TPRN: variants seen among roughly 807,000 people sequenced by gnomAD.
TPRN encodes the protein chromosome 9 open reading frame 75.
In TPRN, 32 loss-of-function variants were observed where a neutral mutation model predicts 42.6. That is an observed-to-expected ratio of 0.75 (90% CI 0.57 to 1.01). The LOEUF (loss-of-function observed/expected upper bound fraction) is 1.01. Among genes scored for constraint, TPRN ranks in the 50% least tolerant of loss-of-function variants. The pLI, the probability that TPRN is intolerant of heterozygous loss-of-function variation, is 0.00. For synonymous variants in TPRN, 541 were observed against 445.6 expected (o/e 1.21, Z -2.70); for missense variants, 1,095 against 957.5 (o/e 1.14, Z -1.90).
chr9:137,198,856 G>T, intron 1 of TPRN, 131 bp downstream of exon 1: 2 of 1,552,174 alleles, frequency 1.3e-6, no homozygotes, highest in Non-Finnish European at 1.7e-6. Context: ...GCCCCAGCTC[G>T]CCTCAAGTCC....
rs1177320848 is a variant in TPRN at position 137,199,607 on chromosome 9, A to T, written c.1105T>A (p.Ser369Thr). The T allele has an allele frequency of 6.4e-7, 1 of 1,557,602 alleles. No homozygotes were observed. The highest frequency in any genetic ancestry group is 1.2e-5 in the South Asian group (1 of 85,182). The part of the protein sequence containing the change: ...GPASPSQELG[S>T]QPVPGGDGAP... ...CCATCCCCTCCAGGCACCGGCTGGG[A>T]TCCGAGCTCCTGGCTCGGGGAGGCC... The change falls in exon 1 of 4, where the codon TCC (serine) becomes ACC (threonine). Residue 369 changes from serine (S) to threonine (T), a missense_variant. Coordinates refer to ENST00000409012, the MANE Select transcript of TPRN (RefSeq NM_001128228.3).
rs1309461583 is a variant in TPRN, at chr9:137,191,896, A to G, written c.*216T>C. ...TCACCCACAGGCAGTTCCCCACCCC[A>G]CTTCCCCCTTGGACCCTCCCAAATC... On this transcript the variant is annotated 3_prime_UTR_variant, in exon 4 of 4. Transcript: ENST00000409012. The G allele has an allele frequency of 4.8e-5, 31 of 640,056 alleles. No individual in the cohort carries two copies. The highest frequency in any genetic ancestry group is 8.3e-5 in the Non-Finnish European group (30 of 360,658). 39.6% of individuals were successfully genotyped at this position (640,056 alleles called of 1,614,324 possible).
rs1485232124 is a variant in TPRN at position 137,199,580 on chromosome 9, C to T, written c.1132G>A (p.Ala378Thr). ...AGGGGGCTCTTCCCGAGGGCAGGCG[C>T]ACCATCCCCTCCAGGCACCGGCTGG... ...GSQPVPGGDG[A>T]PALGKSPLEV... The change falls in exon 1 of 4, where the codon GCG becomes ACG. Residue 378 changes from alanine (A) to threonine (T), a missense_variant. By Grantham distance (58) the Ala-to-Thr change is moderately conservative. Coordinates refer to ENST00000409012, the MANE Select transcript of TPRN (RefSeq NM_001128228.3). The T allele has an allele frequency of 5.8e-6, 9 of 1,556,048 alleles. No individual in the cohort carries two copies. Among genetic ancestry groups the T allele is most frequent in the Non-Finnish European group, 7.8e-6 (9 of 1,150,298 alleles).
intron 1 of TPRN, among the ~76,000 whole-genome samples, chr9:137,198,058 G>A (rs1215627565): frequency 1.3e-5 from 2 of 152,298 alleles, no homozygotes; most frequent in South Asian, 2.1e-4. Flanking sequence ...AACTGAGGCT[G>A]GAGGACAGCC....
chr9:137,192,990 T>G, intron 1 of TPRN: 1 of 452,740 alleles, frequency 2.2e-6, no homozygotes, highest in Non-Finnish European at 4.0e-6. Flanking sequence ...CTCCTGGAGC[T>G]ACCATCTCAG....
Position 137,199,484 on chromosome 9 carries a change from C to T in TPRN, c.1228G>A (p.Ala410Thr). The change falls in exon 1 of 4, where the codon GCT becomes ACT. Residue 410 changes from alanine (A) to threonine (T), a missense_variant. Transcript: ENST00000409012. ...PRTATALADR[A>T]IRWQRPSSPP... ...GAGGACGGCCTCTGCCACCTAATAG[C>T]CCGGTCAGCGAGGGCGGTGGCTGTC... The T allele has an allele frequency of 6.3e-7, 1 of 1,592,402 alleles. No homozygotes were observed. Among genetic ancestry groups the T allele is most frequent in the East Asian group, 2.3e-5 (1 of 43,704 alleles).
Position 137,199,430 on chromosome 9 carries a change from C to T in TPRN, c.1282G>A (p.Glu428Lys). Reference protein sequence around the residue: ...SPPPFLPAASEEAEPAEGLRV... With the variant: ...SPPPFLPAASKEAEPAEGLRV... ...AGGCCCTCAGCAGGCTCAGCTTCTT[C>T]CGAAGCAGCCGGCAGGAAGGGGGGC... The change falls in exon 1 of 4, where the codon GAA becomes AAA. Residue 428 changes from glutamate to lysine, a missense_variant. Transcript: ENST00000409012. The T allele has an allele frequency of 1.2e-6, 2 of 1,610,998 alleles. No homozygotes were observed. Among genetic ancestry groups the T allele is most frequent in the South Asian group, 1.1e-5 (1 of 90,812 alleles).
At chr9:137,192,724 G>T in intron 1 of TPRN, 33 bp from the exon 2 acceptor site, 1 of 1,608,684 alleles carries the variant, frequency 6.2e-7, no homozygotes. Flanking sequence ...CGAGGGCTGA[G>T]GGCCCACATG....
In TPRN at chr9:137,199,841, T is replaced by G. The variant is rs761256786; in HGVS notation, c.871A>C (p.Thr291Pro). The G allele has an allele frequency of 7.3e-7, 1 of 1,366,588 alleles. No individual in the cohort carries two copies. The highest frequency in any genetic ancestry group is 9.7e-7 in the Non-Finnish European group (1 of 1,030,796). The allele number at this position is 1,366,588 out of a possible 1,614,324, so 84.7% of individuals were successfully genotyped here. Residue 291 changes from threonine (T) to proline (P), a missense_variant, in exon 1 of 4, where the codon ACC becomes CCC. Coordinates refer to ENST00000409012, the MANE Select transcript of TPRN (RefSeq NM_001128228.3). ...ATCTCGAAGGAGTCGTTGGTGCTGG[T>G]GGCTGCGGAGACGCACTGGCGCTGG... ...PSQRQCVSAA[T>P]STNDSFEIRP...
At position 137,200,493 on chromosome 9, in the gene TPRN, GC is replaced by G; in HGVS notation, c.218del (p.Gly73AlafsTer377). On this transcript the variant is annotated frameshift_variant, in exon 1 of 4. Transcript: ENST00000409012. LOFTEE classifies it high-confidence loss of function. The surrounding 1 kb of genome is among the most constrained non-coding windows in gnomAD (Gnocchi z 4.3). Reference sequence around the variant, plus strand: ...GCTCCAGCAGCCGCGCCCCCGCCGCGCCCCCGCCGCGCCGCCGCTCGGCCTC... The same window carrying G: ...GCTCCAGCAGCCGCGCCCCCGCCGCGCCCCGCCGCGCCGCCGCTCGGCCTC... The part of the protein sequence containing the change: ...LLEAERRRGG[G>X]AAGARLLERY... 4.4e-6 allele frequency: 5 copies of G among 1,138,414 alleles called. No individual in the cohort carries two copies. Among genetic ancestry groups the G allele is most frequent in the South Asian group, 2.9e-5 (1 of 34,916 alleles). The allele number at this position is 1,138,414 out of a possible 1,614,324, so 70.5% of individuals were successfully genotyped here.
In TPRN at chr9:137,199,632, C is replaced by G. The variant is rs1301169660; in HGVS notation, c.1080G>C (p.Pro360=). The change falls in exon 1 of 4, where the codon CCG becomes CCC. Residue 360 remains proline (P), a synonymous_variant. Transcript: ENST00000409012. The part of the protein sequence containing the change: ...SVELPKGDLG[P]ASPSQELGSQ... ...ATCCGAGCTCCTGGCTCGGGGAGGC[C>G]GGGCCCAGGTCTCCCTTTGGCAGCT... is the stretch of plus-strand genomic sequence containing the variant. 8 of 1,564,776 alleles carry G rather than the reference C, an allele frequency of 5.1e-6. No individual in the cohort carries two copies. The Admixed American group carries it at 5.7e-5, about 11-fold the overall frequency.
chr9:137,199,036 A>G lies in TPRN; in HGVS notation c.1676T>C (p.Leu559Pro). The change falls in exon 1 of 4, where the codon CTG becomes CCG. Residue 559 changes from leucine (L) to proline (P), a missense_variant. Coordinates refer to ENST00000409012, the MANE Select transcript of TPRN (RefSeq NM_001128228.3). ...GGTGAGGCAGGACTTCTGCAGGGCCAGGTAGCCGCCAATCACCTCGATCTC... is the reference window on the plus strand; with the variant it reads ...GGTGAGGCAGGACTTCTGCAGGGCCGGGTAGCCGCCAATCACCTCGATCTC... Reference protein sequence around the residue: ...VHEIEVIGGYLALQKSCLTKA... With the variant: ...VHEIEVIGGYPALQKSCLTKA... The G allele has an allele frequency of 6.2e-7, 1 of 1,613,130 alleles. No individual in the cohort carries two copies. Among genetic ancestry groups the G allele is most frequent in the Non-Finnish European group, 8.5e-7 (1 of 1,180,004 alleles).
At chr9:137,196,962 T>C (rs1008709365) in intron 1 of TPRN, among the ~76,000 whole-genome samples, 2 of 152,250 alleles carry the variant, frequency 1.3e-5, no homozygotes, top group African/African-American at 4.8e-5. Flanking sequence ...AGCTCCTCCC[T>C]CCTGCTGGTC....
rs147404722 is a variant in TPRN, at chr9:137,199,821, G to A, written c.891C>T (p.Phe297=). The A allele has an allele frequency of 3.4e-5, 54 of 1,587,744 alleles. No homozygotes were observed. Among genetic ancestry groups the A allele is most frequent in the Admixed American group, 7.1e-5 (4 of 56,322 alleles). Residue 297 remains phenylalanine (F), a synonymous_variant, in exon 1 of 4, where the codon TTC becomes TTT. Coordinates refer to ENST00000409012, the MANE Select transcript of TPRN (RefSeq NM_001128228.3). The part of the protein sequence containing the change: ...VSAATSTNDS[F]EIRPAPKPVM... ...CTGGCTTGGGGGCCGGCCGTATCTCGAAGGAGTCGTTGGTGCTGGTGGCTG... is the reference window on the plus strand; with the variant it reads ...CTGGCTTGGGGGCCGGCCGTATCTCAAAGGAGTCGTTGGTGCTGGTGGCTG...
At position 137,200,507 on chromosome 9, in the gene TPRN, G is replaced by C; in HGVS notation, c.205C>G (p.Arg69Gly). 1 of 1,154,288 alleles carries C rather than the reference G, an allele frequency of 8.7e-7. No individual in the cohort carries two copies. Among genetic ancestry groups the C allele is most frequent in the Non-Finnish European group, 1.1e-6 (1 of 935,808 alleles). 71.5% of individuals were successfully genotyped at this position (1,154,288 alleles called of 1,614,324 possible). The change falls in exon 1 of 4, where the codon CGG (arginine) becomes GGG (glycine). Residue 69 changes from arginine to glycine, a missense_variant. Arg to Gly is a moderately radical substitution (Grantham distance 125). Transcript: ENST00000409012. The surrounding 1 kb of genome is among the most constrained non-coding windows in gnomAD (Gnocchi z 4.3). The stretch of plus-strand genomic sequence containing the variant: ...GCCCCCGCCGCGCCCCCGCCGCGCC[G>C]CCGCTCGGCCTCCAGCAGCATGAAC... ...NPFMLLEAER[R>G]RGGGAAGARL...
In TPRN at chr9:137,199,338, G is replaced by A. The variant is rs371785954; in HGVS notation, c.1374C>T (p.Ile458=). Residue 458 remains isoleucine (I), a synonymous_variant, in exon 1 of 4, where the codon ATC becomes ATT. Transcript: ENST00000409012. The part of the protein sequence containing the change: ...YVRPGLPVTF[I]DEVDSEEAPQ... ...GGGCCTCCTCCGAGTCTACCTCATC[G>A]ATGAAGGTGACAGGCAGCCCCGGCC... The A allele has an allele frequency of 1.7e-5, 27 of 1,612,570 alleles. No homozygotes were observed. Among genetic ancestry groups the A allele is most frequent in the Non-Finnish European group, 2.3e-5 (27 of 1,179,996 alleles).
Position 137,200,477 on chromosome 9 carries a change from G to C in TPRN, c.235C>G (p.Leu79Val). 1 of 1,120,580 alleles carries C rather than the reference G, an allele frequency of 8.9e-7. No individual in the cohort carries two copies. 69.4% of individuals were successfully genotyped at this position (1,120,580 alleles called of 1,614,324 possible). ...GGCACGCGGCGGTACCGCTCCAGCA[G>C]CCGCGCCCCCGCCGCGCCCCCGCCG... Reference protein sequence around the residue: ...RRGGGAAGARLLERYRRVPGV... With the variant: ...RRGGGAAGARVLERYRRVPGV... Residue 79 changes from leucine (L) to valine (V), a missense_variant, in exon 1 of 4, where the codon CTG becomes GTG. Transcript: ENST00000409012. The surrounding 1 kb of genome is among the most constrained non-coding windows in gnomAD (Gnocchi z 4.3).
In TPRN at chr9:137,191,904, C is replaced by G. The variant is rs1032190944; in HGVS notation, c.*208G>C. On this transcript the variant is annotated 3_prime_UTR_variant, in exon 4 of 4. Transcript: ENST00000409012. ...AGGCAGTTCCCCACCCCACTTCCCC[C>G]TTGGACCCTCCCAAATCAGGGCCGG... 1 of 674,024 alleles carries G rather than the reference C, an allele frequency of 1.5e-6. No homozygotes were observed. The highest frequency in any genetic ancestry group is 2.6e-6 in the Non-Finnish European group (1 of 383,738). The allele number at this position is 674,024 out of a possible 1,614,324, so 41.8% of individuals were successfully genotyped here.
At position 137,192,637 on chromosome 9, in the gene TPRN, C is replaced by A; in HGVS notation, c.1780G>T (p.Glu594Ter). The A allele has an allele frequency of 6.2e-7, 1 of 1,613,862 alleles. No homozygotes were observed. Among genetic ancestry groups the A allele is most frequent in the Non-Finnish European group, 8.5e-7 (1 of 1,180,002 alleles). ...TCTTCCTCCTGCTCTAGGGAGCTCT[C>A]GGAAGGGTACTCAAATGTGGTCTGC... ...SLQTTFEYPS[E>*]SSLEQEEEVD... Residue 594 changes from glutamate to a stop codon, truncating the protein, a stop_gained, in exon 2 of 4, where the codon GAG becomes TAG. Transcript: ENST00000409012. LOFTEE classifies it high-confidence loss of function.
Sources: gnomAD v4.1 joint callset for allele counts (sites outside exome capture counted in the v4.1 genomes callset) on GRCh38, gnomAD v4.1.1 for gene constraint, Gnocchi (gnomAD v3.1) non-coding constraint, MANE v1.5 for transcripts, NCBI Gene and HGNC (gene_info 2026-07-23, HGNC 2026-07-21) for gene names.